Variants in EYS observed in about 807,000 individuals in gnomAD.
EYS encodes the protein protein eyes shut homolog.
A neutral mutation model predicts 282.1 loss-of-function variants in EYS; 250 were observed. The ratio of observed to expected loss-of-function variants is 0.89; its 90% CI spans 0.80 to 0.98. The LOEUF is 0.98. EYS is among the 50% of genes least tolerant of loss of function. The pLI is 0.00. For synonymous variants in EYS, 1,355 were observed against 1,282.9 expected (o/e 1.06, Z -1.20); for missense variants, 4,016 against 3,709.0 (o/e 1.08, Z -2.15).
Position 64,052,767 on chromosome 6 carries a change from C to T in EYS, c.6725+13571G>A, listed in dbSNP as rs150619610. Among the ~76,000 whole-genome samples the T allele has an allele frequency of 7.9e-5, 12 of 152,158 alleles. No homozygotes were observed. In the East Asian group the frequency reaches 1.9e-3, roughly 24 times the overall value. ...TTGTTCTCTGATAGTGAGTAAGTCT[C>T]GCGGGGTCTGATGGTTTTATAAGCG... is the stretch of plus-strand genomic sequence containing the variant. On this transcript the variant is annotated intron_variant, in intron 33 of 42. Transcript: ENST00000503581.
At chr6:64,397,874 A>G (rs1773427687) in intron 28 of EYS, among the ~76,000 whole-genome samples, 1 of 151,948 alleles carries the variant, frequency 6.6e-6, no homozygotes, top group South Asian at 2.1e-4. Flanking sequence ...ATTTTTTCTA[A>G]ACATAAATTT....
chr6:65,490,315 A>T (rs1765992874), intron 5 of EYS: 1 of 253,408 alleles, frequency 3.9e-6, no homozygotes. Context: ...TTCATTGGTC[A>T]TAAATGCAAG....
At chr6:65,541,399 T>A (rs1768162752) in intron 2 of EYS, among the ~76,000 whole-genome samples, 1 of 70,786 alleles carries the variant, frequency 1.4e-5, no homozygotes, top group Admixed American at 1.8e-4. Flanking sequence ...GGCCATTATG[T>A]AAGTTGTATT....
chr6:64,976,433 G>GT (rs1770476907), intron 14 of EYS, among the ~76,000 whole-genome samples: 1 of 151,478 alleles, frequency 6.6e-6, no homozygotes, highest in African/African-American at 2.4e-5. Context: ...TATAATTCTG[G>GT]TGACTGGGAA....
At chr6:64,944,252 C>T (rs1469718129) in intron 15 of EYS, among the ~76,000 whole-genome samples, 5 of 151,984 alleles carry the variant, frequency 3.3e-5, no homozygotes. Context: ...TATAAGACCT[C>T]TGACTATAAG....
intron 12 of EYS, among the ~76,000 whole-genome samples, chr6:65,119,965 C>T (rs1376163946): frequency 6.6e-6 from 1 of 151,176 alleles, no homozygotes; most frequent in Admixed American, 6.6e-5. Flanking sequence ...GTGAAACCTA[C>T]CCCCCCTCCC....
intron 2 of EYS, among the ~76,000 whole-genome samples, chr6:65,559,710 TTTAA>T (rs1369128902): frequency 2.8e-4 from 43 of 152,162 alleles, no homozygotes; most frequent in Non-Finnish European, 5.6e-4. Flanking sequence ...AAATACCATG[TTTAA>T]TTATTTCATT....
rs973578989 is a variant in EYS at position 63,806,048 on chromosome 6, C to T, written c.7411+142G>A. The T allele has an allele frequency of 3.1e-4, 207 of 673,174 alleles. No individual in the cohort carries two copies. In the East Asian group the frequency reaches 5.6e-3, roughly 18 times the overall value. 41.7% of individuals were successfully genotyped at this position (673,174 alleles called of 1,614,324 possible). A position where few individuals can be genotyped will look rare whatever the true frequency, so the allele number is the denominator to read the frequency against. On this transcript the variant is annotated intron_variant, in intron 37 of 42. Transcript: ENST00000503581. ...GCTAAGTACTTTGGACTACAGCGAA[C>T]ATGCTCAAGGCAGAAAACAGGAGGA...
chr6:63,722,735 C>T (rs1768452809), intron 42 of EYS, among the ~76,000 whole-genome samples: 1 of 152,148 alleles, frequency 6.6e-6, no homozygotes, highest in South Asian at 2.1e-4. Context: ...CTTCTTCCTC[C>T]CTCCAGAGTG....
intron 2 of EYS, among the ~76,000 whole-genome samples, chr6:65,582,357 C>A (rs1477158889): frequency 6.6e-6 from 1 of 152,050 alleles, no homozygotes; most frequent in South Asian, 2.1e-4. Context: ...ATTAAGACAT[C>A]ACCCACAGTC....
chr6:65,086,042 TA>T (rs1774361136), intron 12 of EYS, among the ~76,000 whole-genome samples: 1 of 148,038 alleles, frequency 6.8e-6, no homozygotes, highest in African/African-American at 2.5e-5. Flanking sequence ...TTTTTTTTTT[TA>T]AATCCTTCTC....
At chr6:63,746,608 T>C (rs934837001) in intron 41 of EYS, among the ~76,000 whole-genome samples, 1 of 152,200 alleles carries the variant, frequency 6.6e-6, no homozygotes, top group Non-Finnish European at 1.5e-5. Flanking sequence ...TTAGAACTTG[T>C]TATTGGTCTA....
chr6:64,627,206 C>T, intron 22 of EYS, among the ~76,000 whole-genome samples: 1 of 152,150 alleles, frequency 6.6e-6, no homozygotes, highest in East Asian at 1.9e-4. Context: ...CTGTGTCTGC[C>T]TTCAAGAAGC....
intron 11 of EYS, among the ~76,000 whole-genome samples, chr6:65,318,694 T>C (rs1769384109): frequency 1.3e-5 from 2 of 150,048 alleles, no homozygotes; most frequent in Non-Finnish European, 3.0e-5. Context: ...CAGGCTGGAG[T>C]GCAGGGGCAC....
At chr6:64,504,996 T>C (rs1294974672) in intron 26 of EYS, among the ~76,000 whole-genome samples, 1 of 152,200 alleles carries the variant, frequency 6.6e-6, no homozygotes, top group Non-Finnish European at 1.5e-5. Context: ...TATAATGGAA[T>C]AGACTGTTAT....
chr6:64,575,980 C>T (rs77682725), intron 26 of EYS, among the ~76,000 whole-genome samples: 4,005 of 152,032 alleles, frequency 0.026, 110 homozygotes, highest in East Asian at 0.11. Flanking sequence ...CAAACTGAGG[C>T]TATGTCATAG....
intron 31 of EYS, among the ~76,000 whole-genome samples, chr6:64,196,150 T>C (rs1765281282): frequency 1.3e-5 from 2 of 152,088 alleles, no homozygotes; most frequent in Non-Finnish European, 2.9e-5. Flanking sequence ...AAAATGCTCA[T>C]CATCACTGGC....
At chr6:65,128,693 T>C (rs1039609679) in intron 12 of EYS, among the ~76,000 whole-genome samples, 13 of 152,018 alleles carry the variant, frequency 8.6e-5, no homozygotes, top group African/African-American at 2.9e-4. Context: ...AAACATCCCA[T>C]GGTCATGGAT....
Position 64,084,540 on chromosome 6 carries a change from A to T in EYS, c.6425-2538T>A, listed in dbSNP as rs1463946311. Among the ~76,000 whole-genome samples the T allele has an allele frequency of 2.0e-5, 3 of 152,196 alleles. No individual in the cohort carries two copies. In the South Asian group the frequency reaches 6.2e-4, roughly 31 times the overall value. ...CTTTCTCTTATCTTTGTATTAGGAC[A>T]TAGTTTTACAACTAGGAATCAAGGC... On this transcript the variant is annotated intron_variant, in intron 31 of 42. Coordinates refer to ENST00000503581, the MANE Select transcript of EYS (RefSeq NM_001142800.2).
Sources: allele counts gnomAD v4.1 joint callset (sites outside exome capture counted in the v4.1 genomes callset), GRCh38; gene constraint gnomAD v4.1.1; transcripts MANE v1.5; gene names NCBI Gene and HGNC (gene_info 2026-07-23, HGNC 2026-07-21).